The following CADM1 variants were observed in gnomAD, a reference collection of about 807,000 sequenced individuals.
The protein encoded by CADM1 is cell adhesion molecule 1.
A neutral mutation model predicts 53.1 loss-of-function variants in CADM1; 15 were observed. That is an observed-to-expected ratio of 0.28 (90% CI 0.19 to 0.44). The LOEUF is 0.44. Among genes scored for constraint, CADM1 ranks in the 20% least tolerant of loss-of-function variants. The pLI, the probability that CADM1 is intolerant of heterozygous loss-of-function variation, is 1.00. For missense variants in CADM1, 434 were observed against 611.3 expected (o/e 0.71, Z 3.06); for synonymous variants, 281 against 243.0 (o/e 1.16, Z -1.45).
At chr11:115,326,671 T>C (rs1944967602) in intron 1 of CADM1, among the ~76,000 whole-genome samples, 1 of 152,218 alleles carries the variant, frequency 6.6e-6, no homozygotes, top group African/African-American at 2.4e-5. Flanking sequence ...AGCACCCATA[T>C]CTGCACATTT....
At chr11:115,318,112 G>C (rs1332897051) in intron 1 of CADM1, among the ~76,000 whole-genome samples, 5 of 151,968 alleles carry the variant, frequency 3.3e-5, no homozygotes, top group African/African-American at 1.2e-4. Flanking sequence ...TAATGCTACT[G>C]TCTAGCAAAG....
intron 8 of CADM1, among the ~76,000 whole-genome samples, chr11:115,203,746 G>T (rs1224233288): frequency 6.6e-6 from 1 of 152,072 alleles, no homozygotes; most frequent in Non-Finnish European, 1.5e-5. Flanking sequence ...AAAATATGGG[G>T]TCAGGTGGCC....
intron 1 of CADM1, among the ~76,000 whole-genome samples, chr11:115,322,552 T>G (rs1002136891): frequency 6.6e-6 from 1 of 152,198 alleles, no homozygotes; most frequent in African/African-American, 2.4e-5. Flanking sequence ...TTATATCCAC[T>G]GATAGTCACT....
At chr11:115,473,728 TA>T (rs1949066029) in intron 1 of CADM1, among the ~76,000 whole-genome samples, 1 of 151,940 alleles carries the variant, frequency 6.6e-6, no homozygotes, top group African/African-American at 2.4e-5. Flanking sequence ...TCTCAAACTA[TA>T]AAACTTTTAG....
At chr11:115,349,375 A>G (rs1361888771) in intron 1 of CADM1, among the ~76,000 whole-genome samples, 2 of 152,248 alleles carry the variant, frequency 1.3e-5, no homozygotes, top group African/African-American at 4.8e-5. Context: ...TATGCATAAA[A>G]TAGTAAGATT....
intron 1 of CADM1, among the ~76,000 whole-genome samples, chr11:115,501,441 A>C (rs991915885): frequency 6.6e-6 from 1 of 152,152 alleles, no homozygotes; most frequent in African/African-American, 2.4e-5. Context: ...TCTAATCCTG[A>C]AAATGATAAG....
chr11:115,403,892 C>T (rs752272674), intron 1 of CADM1, among the ~76,000 whole-genome samples: 8 of 151,092 alleles, frequency 5.3e-5, no homozygotes, highest in East Asian at 2.0e-4. Flanking sequence ...ACATTGTGCC[C>T]GGCCTGAAAT....
intron 3 of CADM1, among the ~76,000 whole-genome samples, chr11:115,233,176 A>C (rs1396314495): frequency 6.6e-6 from 1 of 152,186 alleles, no homozygotes; most frequent in Non-Finnish European, 1.5e-5. Context: ...GCAGAGCCAA[A>C]GGATCCCTCT....
intron 10 of CADM1, 57 bp downstream of exon 10, chr11:115,190,831 G>T: frequency 6.9e-7 from 1 of 1,446,454 alleles, no homozygotes; most frequent in Non-Finnish European, 9.5e-7. Context: ...TTGTAGAAGT[G>T]GATAGAGCAC....
chr11:115,307,517 A>AATATATAT (rs1555060903), intron 1 of CADM1, among the ~76,000 whole-genome samples: 1 of 144,260 alleles, frequency 6.9e-6, no homozygotes, highest in African/African-American at 2.5e-5. Context: ...GGAAAAAAAA[A>AATATATAT]ATATATATAT....
chr11:115,483,783 AAATT>A (rs1465419078), intron 1 of CADM1, among the ~76,000 whole-genome samples: 1 of 152,218 alleles, frequency 6.6e-6, no homozygotes, highest in African/African-American at 2.4e-5. Context: ...ACTGACCTAT[AAATT>A]AATTAAGATT....
At chr11:115,403,737 C>G (rs1431472320) in intron 1 of CADM1, among the ~76,000 whole-genome samples, 2 of 151,908 alleles carry the variant, frequency 1.3e-5, no homozygotes, top group Non-Finnish European at 2.9e-5. Context: ...GCTAGGACTA[C>G]AGGTGTGTGC....
chr11:115,466,494 T>G (rs764460839), intron 1 of CADM1, among the ~76,000 whole-genome samples: 5 of 152,188 alleles, frequency 3.3e-5, no homozygotes, highest in African/African-American at 7.2e-5. Flanking sequence ...ACAACCCAAC[T>G]ACTTCAGTCG....
In CADM1 at chr11:115,275,313, C is replaced by T. The variant is rs1591662461; in HGVS notation, c.125-34893G>A. ...CATTTTTCAGATCTCAGTGCAGGTG[C>T]GATTTCCTTCAGGAGGCCTTACCTC... On this transcript the variant is annotated intron_variant, in intron 1 of 11. Coordinates refer to ENST00000331581, the MANE Select transcript of CADM1 (RefSeq NM_001301043.2). Among the ~76,000 whole-genome samples, 4 of 152,148 alleles carry T rather than the reference C, an allele frequency of 2.6e-5. 1 individual carries two copies. The South Asian group carries it at 8.3e-4, about 32-fold the overall frequency.
chr11:115,268,042 A>C (rs1349472788), intron 1 of CADM1, among the ~76,000 whole-genome samples: 1 of 152,222 alleles, frequency 6.6e-6, no homozygotes, highest in Non-Finnish European at 1.5e-5. Context: ...GCTTCTGCTG[A>C]TGATGGCACT....
At chr11:115,317,341 A>G (rs1944694809) in intron 1 of CADM1, among the ~76,000 whole-genome samples, 1 of 152,150 alleles carries the variant, frequency 6.6e-6, no homozygotes, top group African/African-American at 2.4e-5. Flanking sequence ...GTGGGTCTCT[A>G]AAGAGCAGTT....
At chr11:115,494,324 T>C (rs1949564158) in intron 1 of CADM1, among the ~76,000 whole-genome samples, 1 of 152,160 alleles carries the variant, frequency 6.6e-6, no homozygotes, top group South Asian at 2.1e-4. Context: ...GTGTCTGGTA[T>C]AAAAGCAGAT....
rs1341223031 is a variant in CADM1, at chr11:115,461,207, T to C, written c.124+43064A>G. The stretch of plus-strand genomic sequence containing the variant: ...CAATATTTGTGGTTTAGTAGGGTGA[T>C]TTAAAACTCTAAACATAATTGGATA... On this transcript the variant is annotated intron_variant, in intron 1 of 11. Coordinates refer to ENST00000331581, the MANE Select transcript of CADM1 (RefSeq NM_001301043.2). Among the ~76,000 whole-genome samples the C allele has an allele frequency of 2.6e-5, 4 of 152,294 alleles. No homozygotes were observed. In the East Asian group the frequency reaches 7.7e-4, roughly 29 times the overall value.
chr11:115,176,119 GAAAT>G lies in CADM1; in HGVS notation c.*351_*354del. The G allele has an allele frequency of 9.0e-7, 1 of 1,106,762 alleles. No homozygotes were observed. The highest frequency in any genetic ancestry group is 1.1e-6 in the Non-Finnish European group (1 of 901,570). The allele number at this position is 1,106,762 out of a possible 1,614,324, so 68.6% of individuals were successfully genotyped here. A position where few individuals can be genotyped will look rare whatever the true frequency, so the allele number is the denominator to read the frequency against. On this transcript the variant is annotated 3_prime_UTR_variant, in exon 12 of 12. Transcript: ENST00000331581. ...AAATCCGAAATTGGGGTAGAGGGAG[GAAAT>G]AAATGTGCACAAAGGGGGAAAAGAA...
Sources: gnomAD v4.1 joint callset for allele counts (sites outside exome capture counted in the v4.1 genomes callset) on GRCh38, gnomAD v4.1.1 for gene constraint, MANE v1.5 for transcripts, NCBI Gene and HGNC (gene_info 2026-07-23, HGNC 2026-07-21) for gene names.